Variants in BCL2L13 observed in about 807,000 individuals in gnomAD.
BCL2L13 encodes the protein BCL2 like 13, also known as bcl-2-like protein 13.
Under a neutral mutation model 25.8 loss-of-function variants are expected in BCL2L13, and 13 were observed. The observed-to-expected ratio is 0.50, with a 90% CI of 0.33 to 0.80. The LOEUF is 0.80. Among genes scored for constraint, BCL2L13 ranks in the 30% least tolerant of loss-of-function variants. The pLI is 0.02. For missense variants in BCL2L13, 504 were observed against 574.9 expected (o/e 0.88, Z 1.26); for synonymous variants, 244 against 230.3 (o/e 1.06, Z -0.54).
Position 17,679,262 on chromosome 22 carries a change from CTCTTTT to C in BCL2L13, c.122-3950_122-3945del, listed in dbSNP as rs1362415652. 3.7e-3 allele frequency among the ~76,000 whole-genome samples: 386 copies of C among 104,924 alleles called. 5 individuals carry two copies. Among genetic ancestry groups the C allele is most frequent in the African/African-American group, 0.014 (359 of 26,526 alleles). 68.8% of individuals were successfully genotyped at this position (104,924 alleles called of 152,430 possible). A position where few individuals can be genotyped will look rare whatever the true frequency, so the allele number is the denominator to read the frequency against. Reference sequence around the variant, plus strand: ...CTGCTGCATATGTCAATTGGTTTGGCTCTTTTTTTTTTTTTTTTTTTTTTTTGAGAC... The same window carrying C: ...CTGCTGCATATGTCAATTGGTTTGGCTTTTTTTTTTTTTTTTTTTTGAGAC... On this transcript the variant is annotated intron_variant, in intron 2 of 6. Transcript: ENST00000317582.
At chr22:17,635,425 AT>A (rs35316018), upstream of BCL2L13, among the ~76,000 whole-genome samples, 19,716 of 152,070 alleles carry the variant, frequency 0.13, 1,745 homozygotes, top group Non-Finnish European at 0.19. Context: ...AACTGCTGTG[AT>A]TAAAGTCAAA....
rs12165726 is a variant in BCL2L13, at chr22:17,643,888, C to T, written c.-51+5002C>T. Among the ~76,000 whole-genome samples, 710 of 147,782 alleles carry T rather than the reference C, an allele frequency of 4.8e-3. 8 individuals carry two copies. The highest frequency in any genetic ancestry group is 0.018 in the African/African-American group (682 of 37,564). Reference sequence around the variant, plus strand: ...TTGGCTTCCCAAAGTGCTGGGATTACAGGCGTGAGCCACGGCGCCCGGCCA... The same window carrying T: ...TTGGCTTCCCAAAGTGCTGGGATTATAGGCGTGAGCCACGGCGCCCGGCCA... On this transcript the variant is annotated intron_variant, in intron 1 of 6. Coordinates refer to ENST00000317582, the MANE Select transcript of BCL2L13 (RefSeq NM_015367.4).
chr22:17,643,125 T>G (rs1333784321), intron 1 of BCL2L13, among the ~76,000 whole-genome samples: 1 of 152,162 alleles, frequency 6.6e-6, no homozygotes, highest in Admixed American at 6.6e-5. Flanking sequence ...GTGAAAATAT[T>G]TTTGGGTAGC....
chr22:17,674,265 A>G (rs1227219285), intron 2 of BCL2L13, among the ~76,000 whole-genome samples: 1 of 152,210 alleles, frequency 6.6e-6, no homozygotes, highest in Non-Finnish European at 1.5e-5. Context: ...AGGACAGTTT[A>G]TGTTGAGCAA....
chr22:17,631,122 G>A (rs1168422892), intron 1 of BCL2L13, among the ~76,000 whole-genome samples: 7 of 147,624 alleles, frequency 4.7e-5, no homozygotes, highest in Non-Finnish European at 9.0e-5. Context: ...TTTTTTTTGA[G>A]ACAGAAGAGT....
chr22:17,702,432 G>A (rs750463892), intron 6 of BCL2L13, 46 bp downstream of exon 6: 175 of 1,460,326 alleles, frequency 1.2e-4, no homozygotes, highest in Non-Finnish European at 1.4e-4. Flanking sequence ...AAAAAAATTA[G>A]GTTTGTTGTT....
chr22:17,689,062 C>T lies in BCL2L13; in HGVS notation c.306C>T (p.Asp102=), dbSNP rs2060028678. 1 of 1,614,198 alleles carries T rather than the reference C, an allele frequency of 6.2e-7. No individual in the cohort carries two copies. Among genetic ancestry groups the T allele is most frequent in the Non-Finnish European group, 8.5e-7 (1 of 1,180,016 alleles). The change falls in exon 4 of 7, where the codon GAC becomes GAT. Residue 102 remains aspartate (D), a synonymous_variant. Coordinates refer to ENST00000317582, the MANE Select transcript of BCL2L13 (RefSeq NM_015367.4). ...CCAATCCAGAAAGCTCAATGGAAGA[C>T]TGCTTGGCCCATCTTGGAGAAAAAG... ...SPANPESSME[D]CLAHLGEKVS...
At chr22:17,716,708 GAGTC>G (rs561288922) in intron 6 of BCL2L13, among the ~76,000 whole-genome samples, 8 of 152,292 alleles carry the variant, frequency 5.3e-5, no homozygotes, top group Admixed American at 2.6e-4. Flanking sequence ...CTTTTTAACT[GAGTC>G]AGAAAATTAT....
At chr22:17,664,966 CT>C (rs994432518) in intron 2 of BCL2L13, among the ~76,000 whole-genome samples, 36 of 152,204 alleles carry the variant, frequency 2.4e-4, no homozygotes, top group African/African-American at 8.7e-4. Flanking sequence ...TTCTGACATG[CT>C]TTGGAGACAT....
rs2061326961 is a variant in BCL2L13 at position 17,727,371 on chromosome 22, A to G, written c.1295A>G (p.Lys432Arg). 6.2e-7 allele frequency: 1 copy of G among 1,614,116 alleles called. No individual in the cohort carries two copies. Among genetic ancestry groups the G allele is most frequent in the African/African-American group, 1.3e-5 (1 of 74,932 alleles). Reference protein sequence around the residue: ...VEELSPASEKKPVPPSEGKSR... With the variant: ...VEELSPASEKRPVPPSEGKSR... The stretch of plus-strand genomic sequence containing the variant: ...GAGCTGTCCCCTGCCAGCGAGAAGA[A>G]GCCCGTGCCGCCGTCTGAGGGCAAG... Residue 432 changes from lysine to arginine, a missense_variant, in exon 7 of 7, where the codon AAG becomes AGG. Coordinates refer to ENST00000317582, the MANE Select transcript of BCL2L13 (RefSeq NM_015367.4).
At chr22:17,639,182 C>T (rs2058177992) in intron 1 of BCL2L13, among the ~76,000 whole-genome samples, 2 of 152,354 alleles carry the variant, frequency 1.3e-5, no homozygotes, top group East Asian at 1.9e-4. Context: ...GCTGTCCTTC[C>T]CCACAGACAG....
In BCL2L13 at chr22:17,646,571, A is replaced by G. The variant is rs1418809125; in HGVS notation, c.-51+7685A>G. On this transcript the variant is annotated intron_variant, in intron 1 of 6. Transcript: ENST00000317582. Reference sequence around the variant, plus strand: ...GCCAAGATAGCAATTTTTATAGTTAAGATCATCTATGTATTTACTCACTTC... The same window carrying G: ...GCCAAGATAGCAATTTTTATAGTTAGGATCATCTATGTATTTACTCACTTC... 3.4e-5 allele frequency among the ~76,000 whole-genome samples: 5 copies of G among 149,236 alleles called. 1 individual carries two copies. Among genetic ancestry groups the G allele is most frequent in the African/African-American group, 5.1e-5 (2 of 38,922 alleles).
chr22:17,665,405 G>A (rs2059204566), intron 2 of BCL2L13, among the ~76,000 whole-genome samples: 1 of 152,118 alleles, frequency 6.6e-6, no homozygotes, highest in Non-Finnish European at 1.5e-5. Context: ...CATTTTTCCT[G>A]TTGTTTCCTG....
intron 2 of BCL2L13, 66 bp downstream of exon 2, chr22:17,655,898 G>C: frequency 7.0e-7 from 1 of 1,426,394 alleles, no homozygotes; most frequent in Non-Finnish European, 9.5e-7. Flanking sequence ...AAAAGTATAT[G>C]TATCTAATTT....
At chr22:17,695,656 A>T (rs1028576339) in intron 4 of BCL2L13, 1 of 152,238 alleles carries the variant, frequency 6.6e-6, no homozygotes, top group African/African-American at 2.4e-5. Flanking sequence ...TAAAAAGTGG[A>T]CTCAATTTAT....
intron 6 of BCL2L13, among the ~76,000 whole-genome samples, chr22:17,705,347 G>C (rs1037283786): frequency 6.6e-6 from 1 of 151,126 alleles, no homozygotes; most frequent in East Asian, 2.0e-4. Flanking sequence ...GCCCAGGCTG[G>C]AATGCAGTGG....
upstream of BCL2L13, chr22:17,638,596 G>A: frequency 4.9e-6 from 5 of 1,023,200 alleles, no homozygotes; most frequent in Non-Finnish European, 6.3e-6. Flanking sequence ...AATCAGATTT[G>A]GGCGGGCTAG....
In BCL2L13 at chr22:17,728,155, C is replaced by T. The variant is rs549695219; in HGVS notation, c.*621C>T. 36 of 155,572 alleles carry T rather than the reference C, an allele frequency of 2.3e-4. No individual in the cohort carries two copies. The highest frequency in any genetic ancestry group is 7.8e-4 in the South Asian group (4 of 5,130). The allele number at this position is 155,572 out of a possible 1,614,324, so 9.6% of individuals were successfully genotyped here. On this transcript the variant is annotated 3_prime_UTR_variant, in exon 7 of 7. Coordinates refer to ENST00000317582, the MANE Select transcript of BCL2L13 (RefSeq NM_015367.4). The stretch of plus-strand genomic sequence containing the variant: ...GCCCTCATCCTGGAGTGTGAGGGTG[C>T]TCGCCCGTACTCTCAGCTGCCTCTC...
chr22:17,656,466 G>T (rs763694843), intron 2 of BCL2L13, among the ~76,000 whole-genome samples: 3 of 138,026 alleles, frequency 2.2e-5, no homozygotes, highest in Non-Finnish European at 3.0e-5. Context: ...TTCTGCCTCA[G>T]CCTCCCGAGT....
Sources: allele counts gnomAD v4.1 joint callset (sites outside exome capture counted in the v4.1 genomes callset), GRCh38; gene constraint gnomAD v4.1.1; transcripts MANE v1.5; gene names NCBI Gene and HGNC (gene_info 2026-07-23, HGNC 2026-07-21).